POMT2: variants seen among roughly 807,000 people sequenced by gnomAD.
POMT2 encodes protein O-mannosyltransferase 2.
In POMT2, 75 loss-of-function variants were observed where a neutral mutation model predicts 100.0. The ratio of observed to expected loss-of-function variants is 0.75; its 90% confidence interval spans 0.62 to 0.91. The LOEUF (loss-of-function observed/expected upper bound fraction) is 0.91, where lower values mean the gene tolerates loss of function less well. POMT2 is among the 40% of genes least tolerant of loss of function. The pLI is 0.00. For synonymous variants in POMT2, 378 were observed against 374.1 expected (o/e 1.01, Z -0.12); for missense variants, 940 against 955.1 (o/e 0.98, Z 0.21).
chr14:77,291,546 T>G, intron 9 of POMT2, 166 bp from the exon 10 acceptor site: 1 of 851,582 alleles, frequency 1.2e-6, no homozygotes, highest in Non-Finnish European at 1.8e-6. Flanking sequence ...GGGGCTCATA[T>G]GTAGCACTGG....
rs147871747 is a variant in POMT2 at position 77,302,843 on chromosome 14, G to A, written c.648C>T (p.Cys216=). 303 of 1,610,934 alleles carry A rather than the reference G, an allele frequency of 1.9e-4. 2 individuals are homozygous for A. Among genetic ancestry groups the A allele is most frequent in the Non-Finnish European group, 2.1e-4 (248 of 1,177,482 alleles). The part of the protein sequence containing the change: ...AMLSMVKYNS[C]ADRPFSAPWW... Reference sequence around the variant, plus strand: ...GGGATGGAGTTTCTGACCTGTCGGCGCAAGAGTTGTACTTGACCATGCTCA... The same window carrying A: ...GGGATGGAGTTTCTGACCTGTCGGCACAAGAGTTGTACTTGACCATGCTCA... The change falls in exon 5 of 21, where the codon TGC becomes TGT. Residue 216 remains cysteine, a synonymous_variant. Coordinates refer to ENST00000261534, the MANE Select transcript of POMT2 (RefSeq NM_013382.7).
chr14:77,295,428 C>T (rs956140958), intron 9 of POMT2, among the ~76,000 whole-genome samples: 9 of 152,108 alleles, frequency 5.9e-5, no homozygotes, highest in Non-Finnish European at 1.2e-4. Context: ...GTCAGGAGAT[C>T]GAGACTATCC....
intron 18 of POMT2, 75 bp from the exon 19 acceptor site, chr14:77,278,944 C>A (rs1471975396): frequency 6.6e-7 from 1 of 1,522,852 alleles, no homozygotes; most frequent in African/African-American, 1.4e-5. Flanking sequence ...CAGCTCTGCC[C>A]CTTCCTTGCT....
rs527248281 is a variant in POMT2 at position 77,291,049 on chromosome 14, C to T, written c.1183+265G>A. ...AACCTCTACTTAGATTAAATCTGGG[C>T]TCCGCTATCTGTCTTCAAAATGACA... is the stretch of plus-strand genomic sequence containing the variant. On this transcript the variant is annotated intron_variant, in intron 10 of 20. Coordinates refer to ENST00000261534, the MANE Select transcript of POMT2 (RefSeq NM_013382.7). 3.3e-5 allele frequency among the ~76,000 whole-genome samples: 5 copies of T among 151,964 alleles called. No homozygotes were observed. The East Asian group carries it at 9.7e-4, about 29-fold the overall frequency.
intron 1 of POMT2, among the ~76,000 whole-genome samples, chr14:77,314,362 C>T (rs777843450): frequency 6.6e-6 from 1 of 152,218 alleles, no homozygotes; most frequent in Non-Finnish European, 1.5e-5. Context: ...TGCCAACATG[C>T]TGATGCACAT....
intron 14 of POMT2, chr14:77,284,215 C>A: frequency 2.7e-6 from 1 of 368,564 alleles, no homozygotes; most frequent in Non-Finnish European, 5.2e-6. Context: ...GTCACTGTGG[C>A]CCTTTGAAGG....
chr14:77,309,428 T>G (rs1891359541), intron 2 of POMT2, among the ~76,000 whole-genome samples: 1 of 152,122 alleles, frequency 6.6e-6, no homozygotes, highest in African/African-American at 2.4e-5. Flanking sequence ...ACTTCCTGCT[T>G]GCTACTTGGA....
rs201487818 is a variant in POMT2, at chr14:77,283,813, T to G, written c.1637A>C (p.His546Pro). The change falls in exon 15 of 21, where the codon CAC (histidine) becomes CCC (proline). Residue 546 changes from histidine to proline, a missense_variant. His to Pro is a moderately conservative substitution (Grantham distance 77, BLOSUM62 -2). Transcript: ENST00000261534. ...GACACATACCCGGATCATGACCATGTGGGATTCCAGCAAGATCTCAGGAAA... is the reference window on the plus strand; with the variant it reads ...GACACATACCCGGATCATGACCATGGGGGATTCCAGCAAGATCTCAGGAAA... ...PSFPEILLES[H>P]MVMIRGNSGL... 1.2e-5 allele frequency: 19 copies of G among 1,611,272 alleles called. No individual in the cohort carries two copies. Among genetic ancestry groups the G allele is most frequent in the Non-Finnish European group, 1.5e-5 (18 of 1,177,406 alleles).
Position 77,302,104 on chromosome 14 carries a change from A to G in POMT2, c.656+731T>C, listed in dbSNP as rs148431540. Among the ~76,000 whole-genome samples, 652 of 152,348 alleles carry G rather than the reference A, an allele frequency of 4.3e-3. 3 individuals are homozygous for G. Among genetic ancestry groups the G allele is most frequent in the Non-Finnish European group, 5.9e-3 (399 of 68,026 alleles). ...TCACTGATCAGGTTTGATTAGCACA[A>G]TGGAGCTTAATGAGCCTGGCTGTGC... On this transcript the variant is annotated intron_variant, in intron 5 of 20. Transcript: ENST00000261534.
At position 77,312,009 on chromosome 14, in the gene POMT2, T is replaced by C. The variant is rs1278995606; in HGVS notation, c.273A>G (p.Lys91=). ...TACGGTTGATATAGTAACTTCCCAT[T>C]TTTCCAAAGTGAGTCTCATCCCAAC... ...HICWDETHFG[K]MGSYYINRTF... is the part of the protein sequence containing the mutation. Residue 91 remains lysine (K), a synonymous_variant, in exon 2 of 21, where the codon AAA becomes AAG. Transcript: ENST00000261534. 6.2e-7 allele frequency: 1 copy of C among 1,613,910 alleles called. No individual in the cohort carries two copies. Among genetic ancestry groups the C allele is most frequent in the East Asian group, 2.2e-5 (1 of 44,894 alleles).
chr14:77,292,975 A>G (rs1890693601), intron 9 of POMT2, among the ~76,000 whole-genome samples: 1 of 152,192 alleles, frequency 6.6e-6, no homozygotes, highest in South Asian at 2.1e-4. Context: ...TATCCCCCCG[A>G]TGCATGACTG....
chr14:77,294,679 A>G (rs1052977730), intron 9 of POMT2, among the ~76,000 whole-genome samples: 5 of 152,218 alleles, frequency 3.3e-5, no homozygotes, highest in Admixed American at 1.3e-4. Context: ...CGCCATCCAC[A>G]TAAAATGTGA....
At position 77,320,516 on chromosome 14, in the gene POMT2, C is replaced by T. The variant is rs368362223; in HGVS notation, c.166G>A (p.Gly56Ser). ...ACCAAGGCCAGCAGGGCCCACCAGCCGACCGCCTCGAAGCGCCGTGAGCCC... is the reference window on the plus strand; with the variant it reads ...ACCAAGGCCAGCAGGGCCCACCAGCTGACCGCCTCGAAGCGCCGTGAGCCC... Reference protein sequence around the residue: ...AWGSRRFEAVGWWALLALVTL... With the variant: ...AWGSRRFEAVSWWALLALVTL... Residue 56 changes from glycine to serine, a missense_variant, in exon 1 of 21, where the codon GGC (glycine) becomes AGC (serine). Coordinates refer to ENST00000261534, the MANE Select transcript of POMT2 (RefSeq NM_013382.7). 5 of 1,551,860 alleles carry T rather than the reference C, an allele frequency of 3.2e-6. No individual in the cohort carries two copies. Among genetic ancestry groups the T allele is most frequent in the Non-Finnish European group, 3.5e-6 (4 of 1,152,848 alleles).
intron 7 of POMT2, 106 bp downstream of exon 7, chr14:77,299,349 T>C (rs1890938486): frequency 4.0e-6 from 4 of 990,540 alleles, no homozygotes; most frequent in South Asian, 1.3e-5. Flanking sequence ...CTGGGGTCCC[T>C]CACCTATCAT....
At chr14:77,293,904 C>G (rs1325717409) in intron 9 of POMT2, among the ~76,000 whole-genome samples, 1 of 152,224 alleles carries the variant, frequency 6.6e-6, no homozygotes, top group Non-Finnish European at 1.5e-5. Flanking sequence ...TTCTACATGA[C>G]ACCTGCAGCA....
intron 1 of POMT2, chr14:77,319,661 G>C (rs1891772263): frequency 6.6e-6 from 1 of 152,268 alleles, no homozygotes; most frequent in Admixed American, 6.5e-5. Flanking sequence ...TGCCTGTGCA[G>C]TCATCCATTT....
intron 10 of POMT2, 51 bp from the exon 11 acceptor site, chr14:77,288,882 A>G (rs757826202): frequency 2.0e-6 from 3 of 1,480,764 alleles, no homozygotes; most frequent in Admixed American, 3.3e-5. Context: ...CCAGGCTAGT[A>G]TTAATCAAGG....
intron 2 of POMT2, among the ~76,000 whole-genome samples, chr14:77,310,806 T>C (rs1372492101): frequency 6.6e-6 from 1 of 152,198 alleles, no homozygotes; most frequent in Non-Finnish European, 1.5e-5. Context: ...ATTCCAGGGC[T>C]AATCCGAGAG....
At chr14:77,300,060 G>GCTTC (rs1184986672) in intron 6 of POMT2, 2 of 215,492 alleles carry the variant, frequency 9.3e-6, no homozygotes, top group African/African-American at 4.6e-5. Flanking sequence ...GTAACTGCCT[G>GCTTC]CTTCCTTATT....
Sources: gnomAD v4.1 joint callset for allele counts (sites outside exome capture counted in the v4.1 genomes callset) on GRCh38, gnomAD v4.1.1 for gene constraint, MANE v1.5 for transcripts, NCBI Gene and HGNC (gene_info 2026-07-23, HGNC 2026-07-21) for gene names.